The following BRINP2 variants were observed in gnomAD, a reference collection of about 807,000 sequenced individuals.
The protein encoded by BRINP2 is BMP/retinoic acid-inducible neural-specific protein 2.
Under a neutral mutation model 69.2 loss-of-function variants are expected in BRINP2, and 21 were observed. The ratio of observed to expected loss-of-function variants is 0.30; its 90% CI spans 0.22 to 0.44. The LOEUF (loss-of-function observed/expected upper bound fraction) is 0.44. Ranked by LOEUF, BRINP2 falls within the 20% of genes least tolerant of loss-of-function variation. The pLI is 1.00. For synonymous variants in BRINP2, 380 were observed against 394.1 expected (o/e 0.96, Z 0.42); for missense variants, 877 against 986.0 (o/e 0.89, Z 1.48).
chr1:177,276,697 A>G (rs1226145990), intron 6 of BRINP2, among the ~76,000 whole-genome samples: 1 of 152,232 alleles, frequency 6.6e-6, no homozygotes, highest in Non-Finnish European at 1.5e-5. Flanking sequence ...AATTAAGGGC[A>G]CAGACCTTGT....
chr1:177,211,051 C>T (rs1257196851), intron 1 of BRINP2, among the ~76,000 whole-genome samples: 5 of 150,654 alleles, frequency 3.3e-5, no homozygotes, highest in Admixed American at 6.6e-5. Context: ...ATTTCTATTG[C>T]ACCACCCTGG....
chr1:177,219,162 G>A (rs1036710756), intron 1 of BRINP2, among the ~76,000 whole-genome samples: 2 of 152,166 alleles, frequency 1.3e-5, no homozygotes, highest in Non-Finnish European at 2.9e-5. Flanking sequence ...TTTGTGGTCA[G>A]CAATTCCAAA....
chr1:177,229,805 G>C lies in BRINP2; in HGVS notation c.-72G>C, dbSNP rs932200722. 1.3e-6 allele frequency: 2 copies of C among 1,501,820 alleles called. No individual in the cohort carries two copies. The highest frequency in any genetic ancestry group is 1.8e-6 in the Non-Finnish European group (2 of 1,122,756). 93.0% of individuals were successfully genotyped at this position (1,501,820 alleles called of 1,614,324 possible). A position where few individuals can be genotyped will look rare whatever the true frequency, so the allele number is the denominator to read the frequency against. On this transcript the variant is annotated 5_prime_UTR_variant, in exon 2 of 8. Transcript: ENST00000361539. ...ATGCCTTTTGTACTTTTCCAGCTCC[G>C]AGCCCTGGAGGAGCAGCACGGAGCG... is the stretch of plus-strand genomic sequence containing the variant.
intron 1 of BRINP2, among the ~76,000 whole-genome samples, chr1:177,189,076 G>A (rs928577375): frequency 1.3e-4 from 20 of 152,268 alleles, no homozygotes; most frequent in African/African-American, 2.9e-4. Context: ...AGAGACACAC[G>A]TAATGTCTTT....
intron 1 of BRINP2, among the ~76,000 whole-genome samples, chr1:177,200,565 C>G (rs1648882134): frequency 6.6e-6 from 1 of 151,996 alleles, no homozygotes; most frequent in African/African-American, 2.4e-5. Context: ...TGTACTCATT[C>G]CTCCCTCGGC....
intron 1 of BRINP2, among the ~76,000 whole-genome samples, chr1:177,194,933 C>T (rs529006385): frequency 6.6e-6 from 1 of 152,214 alleles, no homozygotes; most frequent in African/African-American, 2.4e-5. Flanking sequence ...ACCTTCCGGG[C>T]CTCATAACAA....
At chr1:177,232,889 T>C (rs1649906658) in intron 2 of BRINP2, among the ~76,000 whole-genome samples, 1 of 152,130 alleles carries the variant, frequency 6.6e-6, no homozygotes, top group South Asian at 2.1e-4. Context: ...TTTTGGGGCA[T>C]GGAAATCAGA....
intron 1 of BRINP2, among the ~76,000 whole-genome samples, chr1:177,175,338 G>C (rs1243176311): frequency 6.6e-6 from 1 of 152,198 alleles, no homozygotes; most frequent in African/African-American, 2.4e-5. Context: ...ACAGGGCACT[G>C]TGCTTGCTCA....
chr1:177,196,265 C>A (rs1353445023), intron 1 of BRINP2, among the ~76,000 whole-genome samples: 1 of 152,150 alleles, frequency 6.6e-6, no homozygotes, highest in Non-Finnish European at 1.5e-5. Context: ...AGTGCTCAGG[C>A]CCTAGTTCCA....
chr1:177,257,418 G>C (rs760633832), intron 4 of BRINP2, 34 bp downstream of exon 4: 4 of 1,552,588 alleles, frequency 2.6e-6, no homozygotes, highest in East Asian at 4.5e-5. Flanking sequence ...AAGGGGATGG[G>C]GGAAGCACTG....
At chr1:177,195,346 A>G (rs753927465) in intron 1 of BRINP2, among the ~76,000 whole-genome samples, 1 of 151,868 alleles carries the variant, frequency 6.6e-6, no homozygotes, top group African/African-American at 2.4e-5. Flanking sequence ...CTCCTTTTGG[A>G]TGTTTCAGTT....
chr1:177,191,166 C>T (rs1032969977), intron 1 of BRINP2, among the ~76,000 whole-genome samples: 4 of 152,164 alleles, frequency 2.6e-5, no homozygotes, highest in South Asian at 2.1e-4. Context: ...AAAGCCCTCT[C>T]GAAACTTGTG....
intron 1 of BRINP2, among the ~76,000 whole-genome samples, chr1:177,203,254 C>T (rs1328286266): frequency 2.0e-5 from 3 of 152,086 alleles, no homozygotes; most frequent in Admixed American, 6.6e-5. Context: ...AGCATGGTCT[C>T]ACTCATAGGT....
intron 1 of BRINP2, among the ~76,000 whole-genome samples, chr1:177,213,692 G>A (rs1649292591): frequency 6.6e-6 from 1 of 152,126 alleles, no homozygotes. Context: ...GGTCAGCATG[G>A]TCTTCTTGAT....
Position 177,243,459 on chromosome 1 carries a change from C to G in BRINP2, c.270-12460C>G, listed in dbSNP as rs374384415. 5.3e-5 allele frequency among the ~76,000 whole-genome samples: 8 copies of G among 152,164 alleles called. No homozygotes were observed. In the East Asian group the frequency reaches 1.2e-3, roughly 22 times the overall value. Reference sequence around the variant, plus strand: ...AGACCAAAACCATCTCCCCCTAGACCCAACAAGCAAGAAGAAGGGAGACCA... The same window carrying G: ...AGACCAAAACCATCTCCCCCTAGACGCAACAAGCAAGAAGAAGGGAGACCA... On this transcript the variant is annotated intron_variant, in intron 2 of 7. Coordinates refer to ENST00000361539, the MANE Select transcript of BRINP2 (RefSeq NM_021165.4).
chr1:177,260,318 T>A (rs535110684), intron 4 of BRINP2, among the ~76,000 whole-genome samples: 1 of 152,338 alleles, frequency 6.6e-6, no homozygotes, highest in African/African-American at 2.4e-5. Flanking sequence ...TTGCTTCTTA[T>A]GAATGAGCAA....
At chr1:177,225,137 A>T (rs1649659895) in intron 1 of BRINP2, among the ~76,000 whole-genome samples, 1 of 152,220 alleles carries the variant, frequency 6.6e-6, no homozygotes, top group African/African-American at 2.4e-5. Context: ...AGTGGTAGAG[A>T]CACGATTCCT....
chr1:177,236,358 C>A (rs1650021853), intron 2 of BRINP2, among the ~76,000 whole-genome samples: 1 of 152,162 alleles, frequency 6.6e-6, no homozygotes, highest in Non-Finnish European at 1.5e-5. Flanking sequence ...TGCAGCAGAC[C>A]TATATGGAAC....
At chr1:177,196,416 G>A (rs560483980) in intron 1 of BRINP2, among the ~76,000 whole-genome samples, 1 of 152,228 alleles carries the variant, frequency 6.6e-6, no homozygotes, top group Non-Finnish European at 1.5e-5. Context: ...TCGGGAGTTT[G>A]AGACCAGCCT....
Sources: allele counts gnomAD v4.1 joint callset (sites outside exome capture counted in the v4.1 genomes callset), GRCh38; gene constraint gnomAD v4.1.1; transcripts MANE v1.5; gene names NCBI Gene and HGNC (gene_info 2026-07-23, HGNC 2026-07-21).